The following SLC10A7 variants were observed in gnomAD, a reference collection of about 807,000 sequenced individuals.
SLC10A7 encodes sodium/bile acid cotransporter 7.
A neutral mutation model predicts 43.2 loss-of-function variants in SLC10A7; 29 were observed. That is an observed-to-expected ratio of 0.67 (90% CI 0.50 to 0.92). The LOEUF (loss-of-function observed/expected upper bound fraction) is 0.92, where lower values mean the gene tolerates loss of function less well. Ranked by LOEUF, SLC10A7 falls within the 40% of genes least tolerant of loss-of-function variation. The pLI, the probability that SLC10A7 is intolerant of heterozygous loss-of-function variation, is 0.00. For missense variants in SLC10A7, 295 were observed against 403.2 expected (o/e 0.73, Z 2.30); for synonymous variants, 152 against 144.8 (o/e 1.05, Z -0.35).
At chr4:146,333,148 T>C (rs1163657360) in intron 5 of SLC10A7, among the ~76,000 whole-genome samples, 10 of 152,152 alleles carry the variant, frequency 6.6e-5, no homozygotes, top group Admixed American at 6.5e-4. Flanking sequence ...TTTAATACTT[T>C]GATCAAAAAA....
At chr4:146,446,383 C>A (rs190443435) in intron 4 of SLC10A7, among the ~76,000 whole-genome samples, 1 of 152,106 alleles carries the variant, frequency 6.6e-6, no homozygotes, top group Non-Finnish European at 1.5e-5. Context: ...TTGAAACCAG[C>A]CTGGCCAACA....
At chr4:146,395,595 G>T (rs1309192934) in intron 5 of SLC10A7, among the ~76,000 whole-genome samples, 1 of 152,170 alleles carries the variant, frequency 6.6e-6, no homozygotes, top group Non-Finnish European at 1.5e-5. Context: ...TAAATGACAT[G>T]GCTGCTTGTG....
chr4:146,509,225 C>T (rs1195075776), intron 3 of SLC10A7, among the ~76,000 whole-genome samples: 1 of 152,152 alleles, frequency 6.6e-6, no homozygotes, highest in Admixed American at 6.5e-5. Context: ...AACTAACAGG[C>T]ATTTCACTGT....
At chr4:146,274,572 T>C (rs1459517075) in intron 10 of SLC10A7, among the ~76,000 whole-genome samples, 1 of 152,076 alleles carries the variant, frequency 6.6e-6, no homozygotes, top group African/African-American at 2.4e-5. Flanking sequence ...TTAACCAGAT[T>C]AATACAAATG....
chr4:146,361,587 A>G (rs924273570), intron 5 of SLC10A7, among the ~76,000 whole-genome samples: 2 of 152,156 alleles, frequency 1.3e-5, no homozygotes, highest in African/African-American at 4.8e-5. Flanking sequence ...ACTCCTTTGA[A>G]TTCCTGGAAA....
intron 4 of SLC10A7, among the ~76,000 whole-genome samples, chr4:146,444,417 C>T (rs1730858119): frequency 6.6e-6 from 1 of 152,098 alleles, no homozygotes; most frequent in Admixed American, 6.5e-5. Flanking sequence ...TTTGAGGAAA[C>T]ATAGAATCAT....
At chr4:146,449,167 T>C (rs1438117878) in intron 4 of SLC10A7, among the ~76,000 whole-genome samples, 2 of 152,126 alleles carry the variant, frequency 1.3e-5, no homozygotes, top group African/African-American at 2.4e-5. Flanking sequence ...ACCCAGTGCA[T>C]TTCCCACTGG....
At position 146,521,615 on chromosome 4, in the gene SLC10A7, T is replaced by TA; in HGVS notation, c.100+2dup. ...GTGGAGCCGGCAGAGGTGCAGCACTTACCCCCATTCACCCCTATGGACGGC... is the reference window on the plus strand; with the variant it reads ...GTGGAGCCGGCAGAGGTGCAGCACTTAACCCCCATTCACCCCTATGGACGGC... On this transcript the variant is annotated splice_region_variant and intron_variant, in intron 1 of 11. Transcript: ENST00000335472. The TA allele has an allele frequency of 1.2e-6, 2 of 1,612,428 alleles. No individual in the cohort carries two copies. The highest frequency in any genetic ancestry group is 2.2e-5 in the East Asian group (1 of 44,854).
At chr4:146,447,484 G>A (rs563135926) in intron 4 of SLC10A7, among the ~76,000 whole-genome samples, 5 of 152,120 alleles carry the variant, frequency 3.3e-5, no homozygotes, top group African/African-American at 1.2e-4. Flanking sequence ...TCCTCCTCTA[G>A]AATGCTCCAT....
intron 3 of SLC10A7, among the ~76,000 whole-genome samples, chr4:146,504,549 C>T (rs1579360619): frequency 6.7e-6 from 1 of 149,510 alleles, no homozygotes; most frequent in East Asian, 2.0e-4. Context: ...GAAAGATAAC[C>T]AAAACGGCTA....
At chr4:146,409,177 T>G (rs546897774) in intron 5 of SLC10A7, among the ~76,000 whole-genome samples, 1 of 152,108 alleles carries the variant, frequency 6.6e-6, no homozygotes, top group Non-Finnish European at 1.5e-5. Context: ...TCTCAAGCTA[T>G]CTATAAACAT....
At chr4:146,392,519 A>T (rs1738512477) in intron 5 of SLC10A7, among the ~76,000 whole-genome samples, 1 of 152,156 alleles carries the variant, frequency 6.6e-6, no homozygotes, top group South Asian at 2.1e-4. Context: ...ACACACACAC[A>T]CTCACTCATA....
chr4:146,433,499 T>TTTTTAGAAAAG (rs1404129546), intron 5 of SLC10A7, among the ~76,000 whole-genome samples: 2 of 152,156 alleles, frequency 1.3e-5, no homozygotes, highest in Non-Finnish European at 2.9e-5. Flanking sequence ...TGCTAAAGCT[T>TTTTTAGAAAAG]TTTTAGAAAA....
At chr4:146,330,923 C>G (rs1272122917) in intron 5 of SLC10A7, among the ~76,000 whole-genome samples, 1 of 152,010 alleles carries the variant, frequency 6.6e-6, no homozygotes, top group East Asian at 1.9e-4. Context: ...CTCTGTCTTC[C>G]CCTTGAAGCA....
chr4:146,441,948 G>A, intron 5 of SLC10A7: 2 of 981,372 alleles, frequency 2.0e-6, no homozygotes, highest in Non-Finnish European at 2.4e-6. Context: ...CTAGACTCAT[G>A]AACTAGTTTA....
intron 10 of SLC10A7, among the ~76,000 whole-genome samples, chr4:146,260,567 G>A (rs992400986): frequency 6.6e-6 from 1 of 152,192 alleles, no homozygotes; most frequent in African/African-American, 2.4e-5. Flanking sequence ...AGTGATCTCA[G>A]AAGGGAAGCC....
At chr4:146,389,799 A>C (rs1738284770) in intron 5 of SLC10A7, among the ~76,000 whole-genome samples, 1 of 152,202 alleles carries the variant, frequency 6.6e-6, no homozygotes, top group Non-Finnish European at 1.5e-5. Context: ...CTGGCTATGA[A>C]ACCTTGGGCA....
At chr4:146,261,901 A>G (rs112886412) in intron 10 of SLC10A7, among the ~76,000 whole-genome samples, 20 of 152,194 alleles carry the variant, frequency 1.3e-4, no homozygotes, top group African/African-American at 4.6e-4. Context: ...GGCCCACTCC[A>G]GCGACTCGAG....
chr4:146,379,605 C>T (rs1737454853), intron 5 of SLC10A7, among the ~76,000 whole-genome samples: 1 of 152,128 alleles, frequency 6.6e-6, no homozygotes. Flanking sequence ...AAATAGTCTT[C>T]TCCAAAGACA....
Sources: gnomAD v4.1 joint callset for allele counts (sites outside exome capture counted in the v4.1 genomes callset) on GRCh38, gnomAD v4.1.1 for gene constraint, MANE v1.5 for transcripts, NCBI Gene and HGNC (gene_info 2026-07-23, HGNC 2026-07-21) for gene names.